The following WWOX variants were observed in gnomAD, a reference collection of about 807,000 sequenced individuals.
The protein encoded by WWOX is WW domain-containing oxidoreductase.
Under a neutral mutation model 46.2 loss-of-function variants are expected in WWOX, and 69 were observed. The ratio of observed to expected loss-of-function variants is 1.49; its 90% CI spans 1.23 to 1.82. The LOEUF is 1.82. Ranked by LOEUF, WWOX falls within the 40% of genes most tolerant of loss-of-function variation. The pLI is 0.00. For synonymous variants in WWOX, 359 were observed against 202.6 expected (o/e 1.77, Z -6.56); for missense variants, 919 against 542.6 (o/e 1.69, Z -6.89).
intron 8 of WWOX, among the ~76,000 whole-genome samples, chr16:78,595,830 T>C (rs1241389704): frequency 6.6e-6 from 1 of 152,250 alleles, no homozygotes; most frequent in African/African-American, 2.4e-5. Flanking sequence ...TGTTCTGAAA[T>C]ATGCAATACC....
chr16:78,626,388 C>T (rs951562696), intron 8 of WWOX, among the ~76,000 whole-genome samples: 4 of 152,128 alleles, frequency 2.6e-5, no homozygotes, highest in South Asian at 2.1e-4. Context: ...TTTGTGATGA[C>T]CTTGACAGCT....
intron 8 of WWOX, among the ~76,000 whole-genome samples, chr16:78,450,732 C>G (rs900219014): frequency 5.3e-5 from 8 of 152,092 alleles, no homozygotes; most frequent in African/African-American, 1.4e-4. Context: ...TATGATTTGT[C>G]TCTTTGTTAA....
At chr16:78,893,708 G>C (rs1483141267) in intron 8 of WWOX, among the ~76,000 whole-genome samples, 3 of 152,116 alleles carry the variant, frequency 2.0e-5, no homozygotes. Context: ...TAGCACTTCT[G>C]TGAACTCATT....
intron 3 of WWOX, among the ~76,000 whole-genome samples, chr16:78,111,284 A>C (rs960778387): frequency 4.6e-5 from 7 of 152,258 alleles, no homozygotes; most frequent in African/African-American, 1.7e-4. Flanking sequence ...AAGAATAGTC[A>C]TAATACAGGT....
intron 5 of WWOX, among the ~76,000 whole-genome samples, chr16:78,335,532 A>G (rs1446925553): frequency 6.6e-6 from 1 of 152,176 alleles, no homozygotes; most frequent in Non-Finnish European, 1.5e-5. Context: ...ATTTATGAGC[A>G]TTTGGAGTGA....
chr16:78,237,142 A>C (rs2037468804), intron 5 of WWOX, among the ~76,000 whole-genome samples: 1 of 151,546 alleles, frequency 6.6e-6, no homozygotes, highest in Non-Finnish European at 1.5e-5. Flanking sequence ...AAATGTTCAG[A>C]GGCTGCAGGA....
chr16:78,376,827 C>G (rs1050122200), intron 5 of WWOX, among the ~76,000 whole-genome samples: 4 of 152,224 alleles, frequency 2.6e-5, no homozygotes, highest in African/African-American at 9.6e-5. Flanking sequence ...GTATAGTTCT[C>G]TCCCTCCCAA....
At chr16:78,647,278 T>A (rs925453688) in intron 8 of WWOX, among the ~76,000 whole-genome samples, 4 of 152,100 alleles carry the variant, frequency 2.6e-5, no homozygotes, top group African/African-American at 9.7e-5. Context: ...CCAAATGCTT[T>A]ACAGGAAGGG....
intron 8 of WWOX, among the ~76,000 whole-genome samples, chr16:78,527,078 C>T (rs968437093): frequency 8.5e-5 from 13 of 152,054 alleles, no homozygotes; most frequent in Non-Finnish European, 2.9e-5. Context: ...GCAGGAGAAT[C>T]GCTTGAACCC....
chr16:78,518,436 G>C (rs537811373), intron 8 of WWOX, among the ~76,000 whole-genome samples: 24 of 152,032 alleles, frequency 1.6e-4, no homozygotes, highest in Non-Finnish European at 2.5e-4. Flanking sequence ...GGCCAGGTTG[G>C]TCGTGAACTC....
At chr16:79,104,667 A>T (rs1048252389) in intron 8 of WWOX, among the ~76,000 whole-genome samples, 4 of 152,212 alleles carry the variant, frequency 2.6e-5, no homozygotes, top group African/African-American at 9.6e-5. Flanking sequence ...TTAAAAATGC[A>T]GGTCATGATG....
chr16:78,335,660 C>T (rs1334281564), intron 5 of WWOX, among the ~76,000 whole-genome samples: 3 of 152,084 alleles, frequency 2.0e-5, no homozygotes, highest in Non-Finnish European at 4.4e-5. Context: ...ATGTTGACTG[C>T]AGCAGTTTTC....
At chr16:78,484,526 T>C (rs1017575645) in intron 8 of WWOX, among the ~76,000 whole-genome samples, 8 of 152,246 alleles carry the variant, frequency 5.3e-5, no homozygotes, top group Admixed American at 5.2e-4. Flanking sequence ...TATATCTGCG[T>C]GTTATCCACA....
rs144198899 is a variant in WWOX at position 78,174,139 on chromosome 16, T to G, written c.516+9850T>G. Among the ~76,000 whole-genome samples the G allele has an allele frequency of 9.0e-4, 137 of 152,328 alleles. 4 individuals are homozygous for G. The East Asian group carries it at 0.022, about 25-fold the overall frequency. ...GGGACACTGTATTAGTCCATTTTCATGCTTCTAATAAAGACACACCCACGA... is the reference window on the plus strand; with the variant it reads ...GGGACACTGTATTAGTCCATTTTCAGGCTTCTAATAAAGACACACCCACGA... On this transcript the variant is annotated intron_variant, in intron 5 of 8. Transcript: ENST00000566780.
At chr16:79,025,581 G>T (rs891254695) in intron 8 of WWOX, among the ~76,000 whole-genome samples, 14 of 152,116 alleles carry the variant, frequency 9.2e-5, no homozygotes, top group Admixed American at 1.3e-4. Context: ...GGCACAAATA[G>T]GTTCTCCTCA....
intron 8 of WWOX, among the ~76,000 whole-genome samples, chr16:78,676,052 T>G (rs2047590602): frequency 6.6e-6 from 1 of 152,152 alleles, no homozygotes; most frequent in Non-Finnish European, 1.5e-5. Flanking sequence ...GCTGCTTGTT[T>G]AAGAATCTCA....
chr16:78,999,227 T>C (rs1300356580), intron 8 of WWOX, among the ~76,000 whole-genome samples: 1 of 151,868 alleles, frequency 6.6e-6, no homozygotes, highest in East Asian at 1.9e-4. Context: ...TCCCAGCACT[T>C]TGGGAGGCCA....
chr16:78,244,297 T>G (rs913652549), intron 5 of WWOX, among the ~76,000 whole-genome samples: 1 of 152,222 alleles, frequency 6.6e-6, no homozygotes, highest in East Asian at 1.9e-4. Context: ...TGGTCAGTGT[T>G]TAATGTTAGG....
chr16:79,104,371 T>G (rs982452819), intron 8 of WWOX, among the ~76,000 whole-genome samples: 1 of 152,204 alleles, frequency 6.6e-6, no homozygotes, highest in Non-Finnish European at 1.5e-5. Context: ...CTCATAAGCA[T>G]ACATCAAAGT....
Sources: gnomAD v4.1 joint callset for allele counts (sites outside exome capture counted in the v4.1 genomes callset) on GRCh38, gnomAD v4.1.1 for gene constraint, MANE v1.5 for transcripts, NCBI Gene and HGNC (gene_info 2026-07-23, HGNC 2026-07-21) for gene names.